Variants in ZFHX3 observed in about 807,000 individuals in gnomAD.
ZFHX3 encodes zinc finger homeobox protein 3.
In ZFHX3, 42 loss-of-function variants were observed where a neutral mutation model predicts 279.1. The observed-to-expected ratio is 0.15, with a 90% CI of 0.12 to 0.19. The LOEUF (loss-of-function observed/expected upper bound fraction) is 0.19. ZFHX3 is among the 10% of genes least tolerant of loss of function. ZFHX3 has a pLI of 1.00. For missense variants in ZFHX3, 4,981 were observed against 4,754.0 expected (o/e 1.05, Z -1.40); for synonymous variants, 2,293 against 1,957.8 (o/e 1.17, Z -4.52).
intron 1 of ZFHX3, among the ~76,000 whole-genome samples, chr16:73,783,880 C>T (rs1959552244): frequency 6.6e-6 from 1 of 152,176 alleles, no homozygotes; most frequent in African/African-American, 2.4e-5. Flanking sequence ...CACTGAGTTT[C>T]ACCTCACCCT....
At chr16:73,420,794 G>C (rs750173024) in intron 3 of ZFHX3, 1 of 152,160 alleles carries the variant, frequency 6.6e-6, no homozygotes, top group Non-Finnish European at 1.5e-5. Context: ...CAGTAGCAAC[G>C]TTTTTGCACA....
intron 6 of ZFHX3, among the ~76,000 whole-genome samples, chr16:73,139,911 C>T (rs1179051948): frequency 3.9e-5 from 6 of 152,172 alleles, no homozygotes; most frequent in South Asian, 2.1e-4. Flanking sequence ...CTGAGACTAG[C>T]GTACTGGTTC....
chr16:73,427,527 G>C (rs1287358529), intron 3 of ZFHX3, among the ~76,000 whole-genome samples: 1 of 152,150 alleles, frequency 6.6e-6, no homozygotes, highest in Non-Finnish European at 1.5e-5. Context: ...TCATTTCCAA[G>C]CTTCTAGCTC....
At chr16:73,467,289 A>G (rs2018590308) in intron 2 of ZFHX3, among the ~76,000 whole-genome samples, 1 of 152,240 alleles carries the variant, frequency 6.6e-6, no homozygotes, top group Non-Finnish European at 1.5e-5. Flanking sequence ...TCTCTGTCTT[A>G]CTTTGGTTGC....
At chr16:73,732,516 G>T (rs1417895285) in intron 1 of ZFHX3, among the ~76,000 whole-genome samples, 4 of 152,194 alleles carry the variant, frequency 2.6e-5, no homozygotes, top group African/African-American at 9.7e-5. Context: ...ATTTGTCCTG[G>T]ATTTCTCTCT....
intron 2 of ZFHX3, among the ~76,000 whole-genome samples, chr16:73,530,241 C>T (rs1324879425): frequency 6.6e-6 from 1 of 152,094 alleles, no homozygotes; most frequent in Non-Finnish European, 1.5e-5. Flanking sequence ...TTATTCACTA[C>T]CATGAGAACA....
intron 2 of ZFHX3, among the ~76,000 whole-genome samples, chr16:73,475,007 G>A (rs1305738572): frequency 2.6e-5 from 4 of 152,092 alleles, no homozygotes; most frequent in Non-Finnish European, 4.4e-5. Context: ...GCCATTTTCA[G>A]GGATTCACTA....
intron 3 of ZFHX3, among the ~76,000 whole-genome samples, chr16:73,367,664 CA>C (rs2016553450): frequency 6.6e-6 from 1 of 152,098 alleles, no homozygotes; most frequent in East Asian, 1.9e-4. Flanking sequence ...CTGTCCAGCC[CA>C]CCTTGGGCTT....
rs377088835 is a variant in ZFHX3, at chr16:73,863,168, T to C, written c.-1608+28483A>G. 2.2e-4 allele frequency among the ~76,000 whole-genome samples: 33 copies of C among 152,244 alleles called. 3 individuals carry two copies. Among genetic ancestry groups the C allele is most frequent in the Admixed American group, 1.6e-3 (24 of 15,304 alleles). Reference sequence around the variant, plus strand: ...TTGCAGTGAGCGGAGATCGTGCCAATGCACTCCAGCCTGGGCGACAGAGCG... The same window carrying C: ...TTGCAGTGAGCGGAGATCGTGCCAACGCACTCCAGCCTGGGCGACAGAGCG... On this transcript the variant is annotated intron_variant, in intron 1 of 17. Coordinates refer to the ZFHX3 transcript ENST00000641206.
intron 1 of ZFHX3, among the ~76,000 whole-genome samples, chr16:73,038,158 C>T (rs1172140612): frequency 6.6e-6 from 1 of 152,084 alleles, no homozygotes. Context: ...ACCTTGTACA[C>T]AAAATTAACC....
At chr16:72,902,260 G>T (rs959417336) in intron 3 of ZFHX3, among the ~76,000 whole-genome samples, 1 of 152,074 alleles carries the variant, frequency 6.6e-6, no homozygotes, top group Non-Finnish European at 1.5e-5. Context: ...ACAGCTGTTC[G>T]TTCCTTTAAG....
At chr16:72,894,859 A>T (rs1306759529) in intron 3 of ZFHX3, among the ~76,000 whole-genome samples, 1 of 152,128 alleles carries the variant, frequency 6.6e-6, no homozygotes, top group Admixed American at 6.5e-5. Context: ...TCTATCACAG[A>T]GTCACCCGCT....
chr16:73,171,176 G>A (rs1376311758), intron 5 of ZFHX3, among the ~76,000 whole-genome samples: 1 of 152,054 alleles, frequency 6.6e-6, no homozygotes, highest in Non-Finnish European at 1.5e-5. Context: ...CCCCAAAAAA[G>A]CCCTTTTTAA....
chr16:73,631,921 TCTCTCTCACACACACACA>T (rs768091163), intron 2 of ZFHX3, among the ~76,000 whole-genome samples: 90 of 105,964 alleles, frequency 8.5e-4, no homozygotes, highest in Non-Finnish European at 1.4e-3. Flanking sequence ...TCTCTCTCTC[TCTCTCTCACACACACACA>T]CACACACACA....
At chr16:73,201,091 C>T (rs1968258030) in intron 5 of ZFHX3, among the ~76,000 whole-genome samples, 2 of 152,200 alleles carry the variant, frequency 1.3e-5, no homozygotes, top group African/African-American at 4.8e-5. Context: ...TAGGTTGATC[C>T]AAGCCAGGCC....
chr16:73,009,561 T>C (rs893679777), intron 1 of ZFHX3, among the ~76,000 whole-genome samples: 1 of 152,204 alleles, frequency 6.6e-6, no homozygotes, highest in Non-Finnish European at 1.5e-5. Context: ...CATATATTAC[T>C]TAAAATCTAT....
At chr16:73,888,240 G>A (rs1597159488) in intron 1 of ZFHX3, among the ~76,000 whole-genome samples, 1 of 152,144 alleles carries the variant, frequency 6.6e-6, no homozygotes, top group Non-Finnish European at 1.5e-5. Flanking sequence ...AAGAAGAAAT[G>A]TCATGCTAGC....
chr16:73,099,549 A>G (rs1966205142), intron 7 of ZFHX3, among the ~76,000 whole-genome samples: 1 of 152,084 alleles, frequency 6.6e-6, no homozygotes, highest in South Asian at 2.1e-4. Context: ...TGTCTTTACT[A>G]AAAATACAAA....
At chr16:73,437,537 A>T (rs913986688) in intron 3 of ZFHX3, among the ~76,000 whole-genome samples, 1 of 151,642 alleles carries the variant, frequency 6.6e-6, no homozygotes, top group Admixed American at 6.6e-5. Context: ...ATTAAATGAG[A>T]CTCCCCCAAA....
Sources: allele counts gnomAD v4.1 joint callset (sites outside exome capture counted in the v4.1 genomes callset), GRCh38; gene constraint gnomAD v4.1.1; transcripts MANE v1.5; gene names NCBI Gene and HGNC (gene_info 2026-07-23, HGNC 2026-07-21).